The following SHISA9 variants were observed in gnomAD, a reference collection of about 807,000 sequenced individuals.
The protein encoded by SHISA9 is protein shisa-9.
In SHISA9, 13 loss-of-function variants were observed where a neutral mutation model predicts 38.0. That is an observed-to-expected ratio of 0.34 (90% CI 0.22 to 0.54). The LOEUF is 0.54. Among genes scored for constraint, SHISA9 ranks in the 20% least tolerant of loss-of-function variants. SHISA9 has a pLI of 0.91. For missense variants in SHISA9, 538 were observed against 575.8 expected (o/e 0.93, Z 0.67); for synonymous variants, 275 against 242.0 (o/e 1.14, Z -1.27).
At chr16:13,213,921 A>G (rs778183279) in intron 4 of SHISA9, among the ~76,000 whole-genome samples, 9 of 152,176 alleles carry the variant, frequency 5.9e-5, no homozygotes, top group Non-Finnish European at 8.8e-5. Flanking sequence ...ATTTAATTCT[A>G]TGATGATCAG....
intron 2 of SHISA9, among the ~76,000 whole-genome samples, chr16:12,960,806 C>T (rs2071900630): frequency 6.6e-6 from 1 of 152,158 alleles, no homozygotes; most frequent in Non-Finnish European, 1.5e-5. Context: ...CCTCTCTCTC[C>T]CTCTCATCCT....
At chr16:13,106,290 A>G (rs1158902770) in intron 2 of SHISA9, among the ~76,000 whole-genome samples, 1 of 152,138 alleles carries the variant, frequency 6.6e-6, no homozygotes, top group Non-Finnish European at 1.5e-5. Context: ...TCATCTGTGT[A>G]TCTTCTGGGC....
At chr16:13,409,839 T>C in the SHISA9 span, among the ~76,000 whole-genome samples, 1 of 152,222 alleles carries the variant, frequency 6.6e-6, no homozygotes, top group East Asian at 1.9e-4. Flanking sequence ...TATGCGAACA[T>C]GTAAACACCT....
chr16:13,249,806 C>T, the SHISA9 span, among the ~76,000 whole-genome samples: 2 of 152,116 alleles, frequency 1.3e-5, no homozygotes, highest in East Asian at 3.9e-4. Context: ...CATGTGGGCT[C>T]ACAGCAGCCT....
chr16:13,290,566 G>A, the SHISA9 span, among the ~76,000 whole-genome samples: 6 of 152,128 alleles, frequency 3.9e-5, no homozygotes, highest in African/African-American at 1.4e-4. Flanking sequence ...TCTGAGCCCT[G>A]AATCCAACTA....
chr16:13,469,108 G>A, the SHISA9 span, among the ~76,000 whole-genome samples: 2 of 151,314 alleles, frequency 1.3e-5, no homozygotes, highest in African/African-American at 4.9e-5. Context: ...CAGGCGTGAT[G>A]GTGGGTGTCT....
intron 2 of SHISA9, among the ~76,000 whole-genome samples, chr16:13,070,816 G>C (rs2073504935): frequency 6.6e-6 from 1 of 152,212 alleles, no homozygotes. Flanking sequence ...CAGTGGCTAA[G>C]TGCAGAGCCG....
the SHISA9 span, among the ~76,000 whole-genome samples, chr16:13,364,267 G>A: frequency 6.6e-6 from 1 of 152,214 alleles, no homozygotes; most frequent in South Asian, 2.1e-4. Context: ...ACCAGAATCT[G>A]GGGAAGGAGG....
intron 1 of SHISA9, among the ~76,000 whole-genome samples, chr16:12,916,027 T>TG (rs1243826636): frequency 1.4e-5 from 2 of 145,716 alleles, no homozygotes; most frequent in Non-Finnish European, 3.0e-5. Context: ...TTTTTTTTTT[T>TG]TTTGCTAAGT....
the SHISA9 span, among the ~76,000 whole-genome samples, chr16:13,278,274 T>C: frequency 6.6e-6 from 1 of 152,164 alleles, no homozygotes; most frequent in Non-Finnish European, 1.5e-5. Context: ...ATCCACTTGA[T>C]CATGGTGGAT....
intron 2 of SHISA9, among the ~76,000 whole-genome samples, chr16:13,201,622 C>G (rs1337886607): frequency 7.6e-6 from 1 of 131,388 alleles, no homozygotes; most frequent in South Asian, 2.4e-4. Flanking sequence ...ACTACCTGGC[C>G]CTTTACAGAA....
chr16:13,499,344 G>C, the SHISA9 span, among the ~76,000 whole-genome samples: 1 of 152,184 alleles, frequency 6.6e-6, no homozygotes, highest in East Asian at 1.9e-4. Context: ...CTTACCTATA[G>C]GGTGGAATAG....
the SHISA9 span, among the ~76,000 whole-genome samples, chr16:13,413,812 T>C: frequency 6.8e-6 from 1 of 148,116 alleles, no homozygotes; most frequent in Admixed American, 6.8e-5. Context: ...TTTGGAGAGT[T>C]GAGTATATAT....
intron 2 of SHISA9, among the ~76,000 whole-genome samples, chr16:13,145,445 T>A (rs574450131): frequency 7.9e-5 from 12 of 152,294 alleles, no homozygotes; most frequent in African/African-American, 2.9e-4. Flanking sequence ...GAGAATTGCT[T>A]GAACCCGGGA....
intron 2 of SHISA9, among the ~76,000 whole-genome samples, chr16:13,015,648 T>C (rs914869463): frequency 3.3e-5 from 5 of 152,160 alleles, no homozygotes; most frequent in Admixed American, 6.5e-5. Flanking sequence ...CCTAAAGGCA[T>C]GCAGGCTTCC....
chr16:13,471,823 G>T, the SHISA9 span, among the ~76,000 whole-genome samples: 1 of 152,198 alleles, frequency 6.6e-6, no homozygotes, highest in South Asian at 2.1e-4. Context: ...TGTAATCTAA[G>T]ATATTCCTTA....
the SHISA9 span, among the ~76,000 whole-genome samples, chr16:13,519,952 C>T: frequency 2.0e-5 from 3 of 152,104 alleles, no homozygotes; most frequent in Admixed American, 6.5e-5. Context: ...ATCATATCAA[C>T]ACCCCTTCAT....
chr16:13,201,542 C>T (rs2051006143), intron 2 of SHISA9, among the ~76,000 whole-genome samples: 1 of 134,284 alleles, frequency 7.4e-6, no homozygotes, highest in Admixed American at 7.4e-5. Flanking sequence ...TCTAGGGCTG[C>T]ATTCATGCTA....
chr16:13,438,391 C>T, the SHISA9 span, among the ~76,000 whole-genome samples: 1 of 152,086 alleles, frequency 6.6e-6, no homozygotes, highest in African/African-American at 2.4e-5. Flanking sequence ...GACCTAACAG[C>T]ATCTACCTAT....
Sources: allele counts gnomAD v4.1 joint callset (sites outside exome capture counted in the v4.1 genomes callset), GRCh38; gene constraint gnomAD v4.1.1; transcripts MANE v1.5; gene names NCBI Gene and HGNC (gene_info 2026-07-23, HGNC 2026-07-21).